The following LARP4 variants were observed in gnomAD, a reference collection of about 807,000 sequenced individuals.
LARP4 encodes the protein la-related protein 4.
A neutral mutation model predicts 92.9 loss-of-function variants in LARP4; 29 were observed. That is an observed-to-expected ratio of 0.31 (90% CI 0.23 to 0.43). The LOEUF (loss-of-function observed/expected upper bound fraction) is 0.43, where lower values mean the gene tolerates loss of function less well. Among genes scored for constraint, LARP4 ranks in the 20% least tolerant of loss-of-function variants. The pLI is 1.00. For missense variants in LARP4, 732 were observed against 860.0 expected (o/e 0.85, Z 1.86); for synonymous variants, 279 against 284.1 (o/e 0.98, Z 0.18).
intron 4 of LARP4, 80 bp downstream of exon 4, chr12:50,430,650 TA>T (rs1949510619): frequency 2.5e-6 from 2 of 803,162 alleles, no homozygotes; most frequent in African/African-American, 3.6e-5. Context: ...TGGTGATTAT[TA>T]TTTAACTAAT....
At chr12:50,441,981 C>T (rs993096261) in intron 8 of LARP4, among the ~76,000 whole-genome samples, 1 of 152,150 alleles carries the variant, frequency 6.6e-6, no homozygotes, top group Non-Finnish European at 1.5e-5. Flanking sequence ...ACCCGGGAGG[C>T]GTAGGTTGCA....
chr12:50,456,100 A>G (rs1224226374), intron 10 of LARP4, among the ~76,000 whole-genome samples: 2 of 152,098 alleles, frequency 1.3e-5, no homozygotes, highest in African/African-American at 2.4e-5. Context: ...TCCAAAAAAT[A>G]AAGGTACTGA....
chr12:50,424,389 G>A (rs1314557350), intron 1 of LARP4, among the ~76,000 whole-genome samples: 1 of 148,610 alleles, frequency 6.7e-6, no homozygotes, highest in Non-Finnish European at 1.5e-5. Context: ...ACAGAGTTTC[G>A]CTCTTGTCGC....
intron 1 of LARP4, among the ~76,000 whole-genome samples, chr12:50,409,604 AT>A (rs1945467979): frequency 2.0e-5 from 3 of 152,038 alleles, no homozygotes; most frequent in African/African-American, 7.2e-5. Context: ...CTACCAAAAA[AT>A]ATACAAAAAA....
chr12:50,472,264 C>T (rs748005992), intron 13 of LARP4, among the ~76,000 whole-genome samples: 1 of 152,122 alleles, frequency 6.6e-6, no homozygotes, highest in East Asian at 1.9e-4. Context: ...GGTTGTGCAC[C>T]TAAGCTCCAG....
intron 8 of LARP4, among the ~76,000 whole-genome samples, chr12:50,453,072 A>C (rs1593262875): frequency 6.9e-6 from 1 of 144,774 alleles, no homozygotes. Context: ...CACCATGCCC[A>C]GCTTTTTTTT....
At chr12:50,432,374 C>G (rs1396573330) in intron 4 of LARP4, among the ~76,000 whole-genome samples, 1 of 152,114 alleles carries the variant, frequency 6.6e-6, no homozygotes, top group Admixed American at 6.6e-5. Flanking sequence ...CAGGGCTGAG[C>G]AACAATTTTA....
chr12:50,407,599 T>A (rs1004263418), intron 1 of LARP4, among the ~76,000 whole-genome samples: 10 of 151,976 alleles, frequency 6.6e-5, no homozygotes, highest in Non-Finnish European at 1.5e-4. Flanking sequence ...AATCCCAGAA[T>A]TTTGGGAGGC....
At chr12:50,457,831 T>G (rs2138510396) in intron 10 of LARP4, among the ~76,000 whole-genome samples, 1 of 151,382 alleles carries the variant, frequency 6.6e-6, no homozygotes, top group East Asian at 2.0e-4. Flanking sequence ...AAAAAATTAC[T>G]TTTTGTTAAG....
chr12:50,419,580 A>G lies in LARP4; in HGVS notation c.19-8182A>G, dbSNP rs369326309. Among the ~76,000 whole-genome samples the G allele has an allele frequency of 5.8e-4, 88 of 152,294 alleles. No individual in the cohort carries two copies. The South Asian group carries it at 0.018, about 30-fold the overall frequency. On this transcript the variant is annotated intron_variant, in intron 1 of 15. Transcript: ENST00000398473. ...AGATTGGTAGTCTTCCTAGGCAGAC[A>G]TCTAGCAGAAGTAAAATAAATTATC...
At chr12:50,465,040 G>C (rs909739070) in intron 12 of LARP4, among the ~76,000 whole-genome samples, 1 of 151,970 alleles carries the variant, frequency 6.6e-6, no homozygotes, top group African/African-American at 2.4e-5. Flanking sequence ...GACTTCTCAA[G>C]TGGCCCTCAA....
chr12:50,470,226 A>C (rs1419262766), intron 13 of LARP4, among the ~76,000 whole-genome samples: 1 of 152,154 alleles, frequency 6.6e-6, no homozygotes, highest in Non-Finnish European at 1.5e-5. Flanking sequence ...GTCTCAAAAA[A>C]AAAAAAGACT....
intron 1 of LARP4, among the ~76,000 whole-genome samples, chr12:50,405,545 A>C (rs971494664): frequency 4.0e-5 from 6 of 151,654 alleles, no homozygotes; most frequent in Admixed American, 2.6e-4. Context: ...TCAGTCTCCA[A>C]AGTAGCTGGG....
intron 13 of LARP4, among the ~76,000 whole-genome samples, chr12:50,472,332 C>T (rs1331066016): frequency 6.6e-5 from 10 of 152,144 alleles, no homozygotes. Context: ...CCTGTTCCTC[C>T]TTTCTCTTAT....
In LARP4 at chr12:50,476,072, A is replaced by G; in HGVS notation, c.*208A>G. Reference sequence around the variant, plus strand: ...TAAATGCTGGAGGATTCCAATCAATATAAATATATATATATATATACACAC... The same window carrying G: ...TAAATGCTGGAGGATTCCAATCAATGTAAATATATATATATATATACACAC... On this transcript the variant is annotated 3_prime_UTR_variant, in exon 16 of 16. Coordinates refer to ENST00000398473, the MANE Select transcript of LARP4 (RefSeq NM_052879.5). 3.0e-6 allele frequency: 1 copy of G among 334,126 alleles called. No homozygotes were observed. Among genetic ancestry groups the G allele is most frequent in the Non-Finnish European group, 5.6e-6 (1 of 179,738 alleles). The allele number at this position is 334,126 out of a possible 1,614,324, so 20.7% of individuals were successfully genotyped here. A position where few individuals can be genotyped will look rare whatever the true frequency, so the allele number is the denominator to read the frequency against.
chr12:50,450,265 A>G (rs1269443288), intron 8 of LARP4, among the ~76,000 whole-genome samples: 4 of 152,092 alleles, frequency 2.6e-5, no homozygotes, highest in Non-Finnish European at 5.9e-5. Flanking sequence ...CTTGCTGTGC[A>G]GTTTGTCAAG....
chr12:50,435,557 A>T lies in LARP4; in HGVS notation c.468A>T (p.Thr156=). 6.2e-7 allele frequency: 1 copy of T among 1,602,096 alleles called. No homozygotes were observed. The highest frequency in any genetic ancestry group is 8.6e-7 in the Non-Finnish European group (1 of 1,169,190). ...GTGATCAGTTCATCCCAATTTGGACAGTTGCCAACATGGAAGAAATAAAAA... is the reference window on the plus strand; with the variant it reads ...GTGATCAGTTCATCCCAATTTGGACTGTTGCCAACATGGAAGAAATAAAAA... ...MDSDQFIPIW[T]VANMEEIKKL... The change falls in exon 5 of 16, where the codon ACA becomes ACT. Residue 156 remains threonine (T), a synonymous_variant. Coordinates refer to ENST00000398473, the MANE Select transcript of LARP4 (RefSeq NM_052879.5).
At chr12:50,415,956 C>T (rs1029285005) in intron 1 of LARP4, 5 of 152,076 alleles carry the variant, frequency 3.3e-5, no homozygotes, top group Non-Finnish European at 7.3e-5. Flanking sequence ...ATCCACTCAC[C>T]TTGGACCCCC....
At chr12:50,439,716 A>G (rs1487647884) in intron 6 of LARP4, among the ~76,000 whole-genome samples, 1 of 152,064 alleles carries the variant, frequency 6.6e-6, no homozygotes, top group Non-Finnish European at 1.5e-5. Context: ...GACCTTTGCT[A>G]TTTCAGTAGA....
Sources: gnomAD v4.1 joint callset for allele counts (sites outside exome capture counted in the v4.1 genomes callset) on GRCh38, gnomAD v4.1.1 for gene constraint, MANE v1.5 for transcripts, NCBI Gene and HGNC (gene_info 2026-07-23, HGNC 2026-07-21) for gene names.